The following FLRT1 variants were observed in gnomAD, a reference collection of about 807,000 sequenced individuals.
The protein encoded by FLRT1 is leucine-rich repeat transmembrane protein FLRT1.
Under a neutral mutation model 30.9 loss-of-function variants are expected in FLRT1, and 14 were observed. The ratio of observed to expected loss-of-function variants is 0.45; its 90% CI spans 0.30 to 0.71. The LOEUF (loss-of-function observed/expected upper bound fraction) is 0.71, where lower values mean the gene tolerates loss of function less well. FLRT1 is among the 30% of genes least tolerant of loss of function. FLRT1 has a pLI of 0.08. For missense variants in FLRT1, 737 were observed against 949.2 expected (o/e 0.78, Z 2.94); for synonymous variants, 368 against 430.4 (o/e 0.85, Z 1.80).
At chr11:64,110,242 G>A (rs778778783) in intron 2 of FLRT1, among the ~76,000 whole-genome samples, 15 of 152,086 alleles carry the variant, frequency 9.9e-5, no homozygotes, top group Non-Finnish European at 1.8e-4. Context: ...TTGAGCCTAG[G>A]AGTTCAAGAC....
intron 1 of FLRT1, among the ~76,000 whole-genome samples, chr11:64,074,688 C>G (rs1036067829): frequency 6.6e-6 from 1 of 152,204 alleles, no homozygotes; most frequent in African/African-American, 2.4e-5. Flanking sequence ...ATCCCAGGAG[C>G]TAGATACCAC....
intron 1 of FLRT1, among the ~76,000 whole-genome samples, chr11:64,101,635 T>A (rs2701540): frequency 0.87 from 132,074 of 152,218 alleles, 58,128 homozygotes; most frequent in Non-Finnish European, 0.94. Context: ...TTACAATTTA[T>A]AATTGGATGA....
chr11:64,089,970 A>G (rs1321842665), intron 1 of FLRT1, among the ~76,000 whole-genome samples: 1 of 152,194 alleles, frequency 6.6e-6, no homozygotes, highest in Non-Finnish European at 1.5e-5. Flanking sequence ...ATTGGATAAG[A>G]TGGCGTCTTC....
chr11:64,087,433 T>G (rs1029551282), intron 1 of FLRT1, among the ~76,000 whole-genome samples: 11 of 152,110 alleles, frequency 7.2e-5, no homozygotes, highest in Non-Finnish European at 1.6e-4. Context: ...TGCGTCTGCC[T>G]CCCAAGAAAG....
chr11:64,108,952 A>G (rs1317204082), intron 2 of FLRT1, among the ~76,000 whole-genome samples: 1 of 152,174 alleles, frequency 6.6e-6, no homozygotes, highest in African/African-American at 2.4e-5. Context: ...GCAGGTGGGC[A>G]GGAAGGAGGC....
chr11:64,114,488 AATGG>A (rs1322243261), intron 2 of FLRT1, among the ~76,000 whole-genome samples: 2 of 92,250 alleles, frequency 2.2e-5, no homozygotes, highest in African/African-American at 4.3e-5. Context: ...GGGATGGTTG[AATGG>A]ATGGATGGAT....
chr11:64,078,052 A>C (rs1276275579), intron 1 of FLRT1, among the ~76,000 whole-genome samples: 6 of 152,168 alleles, frequency 3.9e-5, no homozygotes, highest in African/African-American at 1.4e-4. Context: ...AGGGAGGTAC[A>C]GCAGCTCTGG....
At chr11:64,063,225 C>G (rs546533774) in intron 1 of FLRT1, among the ~76,000 whole-genome samples, 1 of 152,230 alleles carries the variant, frequency 6.6e-6, no homozygotes, top group Non-Finnish European at 1.5e-5. Context: ...CTTACCCTCT[C>G]TGTGCCTCAG....
chr11:64,105,030 G>T (rs1944734323), intron 2 of FLRT1, among the ~76,000 whole-genome samples: 1 of 152,264 alleles, frequency 6.6e-6, no homozygotes, highest in African/African-American at 2.4e-5. Context: ...GTTGATTTAT[G>T]ATTGCACCAG....
chr11:64,037,282 C>T (rs1309454708), intron 1 of FLRT1, among the ~76,000 whole-genome samples: 1 of 152,152 alleles, frequency 6.6e-6, no homozygotes, highest in Non-Finnish European at 1.5e-5. Context: ...GGGGGACCCA[C>T]GATGCCACTG....
At chr11:64,113,007 T>G (rs1483551057) in intron 2 of FLRT1, among the ~76,000 whole-genome samples, 1 of 152,290 alleles carries the variant, frequency 6.6e-6, no homozygotes. Context: ...TTTGGTGACA[T>G]GAAAACACCA....
At chr11:64,085,401 C>A (rs1944375827) in intron 1 of FLRT1, among the ~76,000 whole-genome samples, 3 of 152,208 alleles carry the variant, frequency 2.0e-5, no homozygotes. Context: ...TGCCTGCCTT[C>A]CGGGGACGGA....
rs200363178 is a variant in FLRT1 at position 64,117,251 on chromosome 11, C to A, written c.984C>A (p.Asn328Lys). Reference protein sequence around the residue: ...GNLAQLLLRNNPWFCGCNLMW... With the variant: ...GNLAQLLLRNKPWFCGCNLMW... ...TGGCCCAGCTGCTGCTCAGGAACAA[C>A]CCTTGGTTTTGTGGCTGCAACCTCA... Residue 328 changes from asparagine (N) to lysine (K), a missense_variant, in exon 3 of 3, where the codon AAC (asparagine) becomes AAA (lysine). Coordinates refer to ENST00000682287, the MANE Select transcript of FLRT1 (RefSeq NM_013280.5). 6.2e-7 allele frequency: 1 copy of A among 1,614,224 alleles called. No homozygotes were observed. Among genetic ancestry groups the A allele is most frequent in the Admixed American group, 1.7e-5 (1 of 60,038 alleles).
chr11:64,047,487 G>C (rs1943606980), intron 1 of FLRT1, among the ~76,000 whole-genome samples: 1 of 152,144 alleles, frequency 6.6e-6, no homozygotes, highest in Admixed American at 6.5e-5. Context: ...GACCAGCTTG[G>C]CATTCCCTGA....
chr11:64,042,022 G>A (rs1943496506), intron 1 of FLRT1, among the ~76,000 whole-genome samples: 3 of 152,158 alleles, frequency 2.0e-5, no homozygotes, highest in South Asian at 4.1e-4. Flanking sequence ...TTCCTTCTTC[G>A]CTCACTCACT....
At chr11:64,055,525 C>T (rs888800740) in intron 1 of FLRT1, among the ~76,000 whole-genome samples, 7 of 152,156 alleles carry the variant, frequency 4.6e-5, no homozygotes, top group Admixed American at 2.6e-4. Flanking sequence ...TAAAGAGGAG[C>T]GGGGGAACCT....
At chr11:64,112,580 A>G (rs1288897126) in intron 2 of FLRT1, among the ~76,000 whole-genome samples, 1 of 152,168 alleles carries the variant, frequency 6.6e-6, no homozygotes, top group Non-Finnish European at 1.5e-5. Context: ...GGTGGTAAAT[A>G]CTATAGGCAA....
chr11:64,097,574 C>T (rs970481804), intron 1 of FLRT1, among the ~76,000 whole-genome samples: 18 of 152,324 alleles, frequency 1.2e-4, no homozygotes, highest in African/African-American at 3.6e-4. Flanking sequence ...CGGCCTGGCT[C>T]GCACACTCTC....
chr11:64,107,561 A>G (rs1944785763), intron 2 of FLRT1, among the ~76,000 whole-genome samples: 1 of 152,248 alleles, frequency 6.6e-6, no homozygotes, highest in Non-Finnish European at 1.5e-5. Flanking sequence ...ACCGCCAGTG[A>G]TAACAGCTGA....
Sources: allele counts gnomAD v4.1 joint callset (sites outside exome capture counted in the v4.1 genomes callset), GRCh38; gene constraint gnomAD v4.1.1; transcripts MANE v1.5; gene names NCBI Gene and HGNC (gene_info 2026-07-23, HGNC 2026-07-21).